Variants in CEP85L observed in about 807,000 individuals in gnomAD.
CEP85L encodes the protein centrosomal protein of 85 kDa-like.
CEP85L carries 60 observed loss-of-function variants against 100.3 expected under a neutral mutation model. That is an observed-to-expected ratio of 0.60 (90% CI 0.49 to 0.74). CEP85L has a LOEUF of 0.74. CEP85L is among the 30% of genes least tolerant of loss of function. CEP85L has a pLI of 0.00. For missense variants in CEP85L, 973 were observed against 936.2 expected, an observed-to-expected ratio of 1.04 and a Z score of -0.51; for synonymous variants, 319 against 322.7, an observed-to-expected ratio of 0.99 and a Z score of 0.12.
At chr6:118,506,249 T>C (rs1180249159) in intron 5 of CEP85L, among the ~76,000 whole-genome samples, 4 of 152,024 alleles carry the variant, frequency 2.6e-5, no homozygotes, top group Non-Finnish European at 5.9e-5. Context: ...ACTTGGACAG[T>C]CTGAACAGGT....
At chr6:118,642,007 A>G (rs1030165821) in intron 1 of CEP85L, among the ~76,000 whole-genome samples, 3 of 152,220 alleles carry the variant, frequency 2.0e-5, no homozygotes, top group African/African-American at 4.8e-5. Context: ...CGAGTTGGAA[A>G]AAATAATTTT....
intron 5 of CEP85L, among the ~76,000 whole-genome samples, chr6:118,500,700 T>C (rs1440635030): frequency 6.6e-6 from 1 of 152,192 alleles, no homozygotes; most frequent in Non-Finnish European, 1.5e-5. Context: ...CCAAGGTCCA[T>C]GCAGGCTACA....
intron 3 of CEP85L, among the ~76,000 whole-genome samples, chr6:118,538,441 G>T (rs919896192): frequency 5.9e-5 from 9 of 152,056 alleles, no homozygotes; most frequent in African/African-American, 2.2e-4. Context: ...GCATATGCAT[G>T]AAGATAAAGG....
intron 2 of CEP85L, among the ~76,000 whole-genome samples, chr6:118,620,703 G>A (rs1276324944): frequency 1.3e-5 from 2 of 152,080 alleles, no homozygotes; most frequent in Non-Finnish European, 2.9e-5. Flanking sequence ...CCAGGAAATC[G>A]ATTTCCTCCT....
chr6:118,541,353 T>C (rs1385790658), intron 3 of CEP85L, among the ~76,000 whole-genome samples: 1 of 152,238 alleles, frequency 6.6e-6, no homozygotes, highest in African/African-American at 2.4e-5. Context: ...TCCTGAAATA[T>C]AGCAAAACCA....
At chr6:118,512,881 GA>G (rs1776048414) in intron 4 of CEP85L, among the ~76,000 whole-genome samples, 1 of 152,006 alleles carries the variant, frequency 6.6e-6, no homozygotes, top group South Asian at 2.1e-4. Context: ...AAAAAAAGCA[GA>G]AAAAATGTAA....
intron 1 of CEP85L, among the ~76,000 whole-genome samples, chr6:118,642,968 T>C (rs569443132): frequency 6.6e-6 from 1 of 152,318 alleles, no homozygotes; most frequent in Admixed American, 6.5e-5. Context: ...TTTTGGTAAG[T>C]CCTTGTTCCT....
intron 3 of CEP85L, among the ~76,000 whole-genome samples, chr6:118,524,365 A>G (rs1322376335): frequency 6.6e-6 from 1 of 152,130 alleles, no homozygotes; most frequent in African/African-American, 2.4e-5. Flanking sequence ...AATGGCGTGA[A>G]CCCGGGAGGC....
intron 10 of CEP85L, among the ~76,000 whole-genome samples, chr6:118,472,403 G>T (rs899355719): frequency 6.6e-6 from 1 of 152,146 alleles, no homozygotes; most frequent in Non-Finnish European, 1.5e-5. Context: ...AAAAGACATT[G>T]CAGATAGGCT....
intron 3 of CEP85L, among the ~76,000 whole-genome samples, chr6:118,555,203 G>A (rs1583036861): frequency 2.0e-5 from 3 of 152,094 alleles, no homozygotes; most frequent in South Asian, 2.1e-4. Context: ...AGGCCGAGGC[G>A]GGTGGATCAC....
chr6:118,597,261 C>T (rs571048256), intron 2 of CEP85L, among the ~76,000 whole-genome samples: 1 of 152,332 alleles, frequency 6.6e-6, no homozygotes, highest in Middle Eastern at 3.4e-3. Context: ...GAAACTCTGA[C>T]ACTGCTTTAT....
At chr6:118,691,307 C>A (rs533033212) in intron 1 of CEP85L, among the ~76,000 whole-genome samples, 18 of 151,442 alleles carry the variant, frequency 1.2e-4, no homozygotes, top group Middle Eastern at 3.4e-3. Flanking sequence ...CCAAGGCGGG[C>A]GGATCACCTG....
At chr6:118,667,378 A>T (rs1202384294) in intron 1 of CEP85L, among the ~76,000 whole-genome samples, 1 of 152,194 alleles carries the variant, frequency 6.6e-6, no homozygotes, top group East Asian at 1.9e-4. Flanking sequence ...TCAAGGCAAG[A>T]AGTCCCATGT....
chr6:118,547,315 A>G (rs969934718), intron 3 of CEP85L, among the ~76,000 whole-genome samples: 1 of 152,124 alleles, frequency 6.6e-6, no homozygotes, highest in African/African-American at 2.4e-5. Context: ...AGTTCAAAAT[A>G]TCATCTCACT....
intron 3 of CEP85L, among the ~76,000 whole-genome samples, chr6:118,561,871 AG>A (rs1779244435): frequency 6.6e-6 from 1 of 152,184 alleles, no homozygotes; most frequent in African/African-American, 2.4e-5. Flanking sequence ...GACGTATATA[AG>A]ATAACAAATT....
chr6:118,598,048 C>A (rs191856552), intron 2 of CEP85L, among the ~76,000 whole-genome samples: 2 of 152,276 alleles, frequency 1.3e-5, no homozygotes, highest in East Asian at 3.9e-4. Flanking sequence ...GAAGTCATGA[C>A]ACAGGAACAC....
chr6:118,480,030 G>A, intron 9 of CEP85L, 109 bp from the exon 10 acceptor site: 1 of 662,178 alleles, frequency 1.5e-6, no homozygotes, highest in East Asian at 3.2e-5. Flanking sequence ...TTTTTAAAAG[G>A]GTCTTTTTAA....
chr6:118,514,699 T>C (rs1320739878), intron 4 of CEP85L, among the ~76,000 whole-genome samples: 1 of 152,108 alleles, frequency 6.6e-6, no homozygotes, highest in Non-Finnish European at 1.5e-5. Flanking sequence ...AAAACCATTC[T>C]GAACATAAGG....
intron 1 of CEP85L, among the ~76,000 whole-genome samples, chr6:118,675,870 G>A (rs554354305): frequency 6.6e-6 from 1 of 152,264 alleles, no homozygotes; most frequent in Non-Finnish European, 1.5e-5. Flanking sequence ...AATAAAATGA[G>A]AGAAAAGATG....
Sources: gnomAD v4.1 joint callset for allele counts (sites outside exome capture counted in the v4.1 genomes callset) on GRCh38, gnomAD v4.1.1 for gene constraint, MANE v1.5 for transcripts, NCBI Gene and HGNC (gene_info 2026-07-23, HGNC 2026-07-21) for gene names.